Variants in USH2A observed in about 807,000 individuals in gnomAD.
The protein encoded by USH2A is usherin.
In USH2A, 443 loss-of-function variants were observed where a neutral mutation model predicts 538.9. The observed-to-expected ratio is 0.82, with a 90% CI of 0.76 to 0.89. USH2A has a LOEUF of 0.89. Ranked by LOEUF, USH2A falls within the 40% of genes least tolerant of loss-of-function variation. The pLI, the probability that USH2A is intolerant of heterozygous loss-of-function variation, is 0.00. For missense variants in USH2A, 6,633 were observed against 6,324.8 expected (o/e 1.05, Z -1.65); for synonymous variants, 2,413 against 2,273.5 (o/e 1.06, Z -1.75).
At chr1:216,406,620 C>T (rs139005077) in intron 3 of USH2A, among the ~76,000 whole-genome samples, 12 of 152,278 alleles carry the variant, frequency 7.9e-5, no homozygotes, top group African/African-American at 2.9e-4. Context: ...TTTATAAATG[C>T]ATCTTGCCAC....
intron 60 of USH2A, among the ~76,000 whole-genome samples, chr1:215,734,754 C>A (rs1350260800): frequency 1.3e-5 from 2 of 152,206 alleles, no homozygotes; most frequent in East Asian, 1.9e-4. Context: ...TGTAATGGAA[C>A]CTAGTTCTTT....
intron 26 of USH2A, chr1:216,078,954 A>G (rs2031844595): frequency 6.6e-6 from 1 of 152,208 alleles, no homozygotes; most frequent in Admixed American, 6.6e-5. Context: ...AGATGACTGT[A>G]CCATTTTCTA....
At position 216,345,652 on chromosome 1, in the gene USH2A, A is replaced by G. The variant is rs966924964; in HGVS notation, c.785-17998T>C. On this transcript the variant is annotated intron_variant, in intron 4 of 71. Transcript: ENST00000307340. ...TTTTAAGCTACAGTGAATCTGTTGTACTTTGCACTGTGAATTTGTCTTCCT... is the reference window on the plus strand; with the variant it reads ...TTTTAAGCTACAGTGAATCTGTTGTGCTTTGCACTGTGAATTTGTCTTCCT... Among the ~76,000 whole-genome samples, 4 of 152,102 alleles carry G rather than the reference A, an allele frequency of 2.6e-5. No individual in the cohort carries two copies. The East Asian group carries it at 5.8e-4, about 22-fold the overall frequency.
chr1:215,662,573 A>G (rs1657474321), intron 64 of USH2A, among the ~76,000 whole-genome samples: 1 of 152,240 alleles, frequency 6.6e-6, no homozygotes, highest in Non-Finnish European at 1.5e-5. Flanking sequence ...CGTGGGAACA[A>G]AAGGCTCGAT....
intron 20 of USH2A, among the ~76,000 whole-genome samples, chr1:216,181,897 C>G (rs922025476): frequency 1.3e-5 from 2 of 152,048 alleles, no homozygotes; most frequent in Admixed American, 1.3e-4. Context: ...GCATTAAATG[C>G]TGGTGTGACA....
chr1:215,709,357 A>G (rs1659270994), intron 61 of USH2A, among the ~76,000 whole-genome samples: 1 of 152,214 alleles, frequency 6.6e-6, no homozygotes, highest in Non-Finnish European at 1.5e-5. Context: ...GTAAATATAC[A>G]TATTATGCAG....
At chr1:215,809,711 G>A (rs1348566207) in intron 49 of USH2A, among the ~76,000 whole-genome samples, 2 of 152,044 alleles carry the variant, frequency 1.3e-5, no homozygotes, top group East Asian at 3.9e-4. Context: ...TATTAAAAAA[G>A]GGAGAGAAAT....
At chr1:215,994,939 T>C (rs1333748369) in intron 34 of USH2A, among the ~76,000 whole-genome samples, 1 of 152,162 alleles carries the variant, frequency 6.6e-6, no homozygotes, top group African/African-American at 2.4e-5. Context: ...TTCCCACTTC[T>C]CAGGGAGAAA....
intron 32 of USH2A, among the ~76,000 whole-genome samples, chr1:216,005,171 TG>T (rs1483089174): frequency 6.6e-6 from 1 of 152,170 alleles, no homozygotes; most frequent in African/African-American, 2.4e-5. Context: ...TTCACACTTC[TG>T]GGCCTTTGCA....
intron 2 of USH2A, among the ~76,000 whole-genome samples, chr1:216,419,494 C>A (rs2039639407): frequency 6.6e-6 from 1 of 152,104 alleles, no homozygotes; most frequent in South Asian, 2.1e-4. Context: ...TTACCTCCTA[C>A]TTAGCTTTGG....
intron 47 of USH2A, among the ~76,000 whole-genome samples, chr1:215,832,780 G>A (rs1351424226): frequency 6.6e-6 from 1 of 151,718 alleles, no homozygotes; most frequent in Non-Finnish European, 1.5e-5. Context: ...GATTGGAAAT[G>A]AAAAAAATAA....
chr1:215,951,435 C>T (rs187871103), intron 37 of USH2A, among the ~76,000 whole-genome samples: 1,863 of 152,262 alleles, frequency 0.012, 21 homozygotes, highest in Admixed American at 0.036. Context: ...GTTATAATTT[C>T]TATTCTTTTA....
chr1:216,137,171 C>G (rs901483704), intron 21 of USH2A, among the ~76,000 whole-genome samples: 5 of 152,140 alleles, frequency 3.3e-5, no homozygotes, highest in African/African-American at 1.2e-4. Flanking sequence ...CTTAGAAAAC[C>G]CTTTGGTGGC....
At chr1:216,271,443 A>G (rs781328854) in intron 11 of USH2A, among the ~76,000 whole-genome samples, 1 of 152,016 alleles carries the variant, frequency 6.6e-6, no homozygotes, top group Non-Finnish European at 1.5e-5. Context: ...TTATACTCCC[A>G]CTGTCTATAC....
intron 40 of USH2A, among the ~76,000 whole-genome samples, chr1:215,890,790 G>C (rs1445669218): frequency 1.3e-5 from 2 of 152,012 alleles, no homozygotes; most frequent in East Asian, 3.9e-4. Context: ...AAGCAAGTAC[G>C]AGTCTTGTAA....
chr1:216,025,317 A>G (rs1002425726), intron 32 of USH2A, among the ~76,000 whole-genome samples: 2 of 151,568 alleles, frequency 1.3e-5, no homozygotes, highest in Non-Finnish European at 1.5e-5. Flanking sequence ...CTAAGTTTAT[A>G]TTTGGTCTGT....
rs138656755 is a variant in USH2A, at chr1:215,782,173, G to A, written c.10609C>T (p.Leu3537Phe). The A allele has an allele frequency of 7.5e-5, 121 of 1,613,924 alleles. No individual in the cohort carries two copies. In the African/African-American group the frequency reaches 1.4e-3, roughly 18 times the overall value. The change falls in exon 54 of 72, where the codon CTT (leucine) becomes TTT (phenylalanine). Residue 3537 changes from leucine to phenylalanine, a missense_variant. Physicochemically the swap from Leu to Phe is conservative, Grantham distance 22. Transcript: ENST00000307340. ...CGAAAACGTTCAATTCCATTTCGAA[G>A]AAGGATGTAGTAAATAATAGGACCT... ...SNGPIIYYIL[L>F]RNGIERFRGT... is the part of the protein sequence containing the mutation.
rs181961185 is a variant in USH2A at position 215,838,020 on chromosome 1, T to C, written c.9342A>G (p.Pro3114=). The C allele has an allele frequency of 1.5e-5, 25 of 1,614,074 alleles. No individual in the cohort carries two copies. Among genetic ancestry groups the C allele is most frequent in the Admixed American group, 3.3e-5 (2 of 60,032 alleles). Residue 3114 remains proline, a synonymous_variant, in exon 47 of 72, where the codon CCA becomes CCG. Transcript: ENST00000307340. ...TTVEDTPSDI[P]TPTIRGITSR... is the part of the protein sequence containing the mutation. ...AAGTGATGCCACGAATTGTGGGTGT[T>C]GGTATATCACTTGGAGTGTCTTCCA... is the stretch of plus-strand genomic sequence containing the variant.
chr1:216,175,629 A>G (rs1190176839), intron 20 of USH2A, 147 bp from the exon 21 acceptor site: 1 of 780,878 alleles, frequency 1.3e-6, no homozygotes, highest in African/African-American at 1.7e-5. Context: ...GGCTCTAGGA[A>G]CTGAAAACAC....
Sources: gnomAD v4.1 joint callset for allele counts (sites outside exome capture counted in the v4.1 genomes callset) on GRCh38, gnomAD v4.1.1 for gene constraint, MANE v1.5 for transcripts, NCBI Gene and HGNC (gene_info 2026-07-23, HGNC 2026-07-21) for gene names.